The following FTO variants were observed in gnomAD, a reference collection of about 807,000 sequenced individuals.
FTO encodes the protein FTO alpha-ketoglutarate dependent dioxygenase.
FTO carries 47 observed loss-of-function variants against 63.9 expected under a neutral mutation model. The observed-to-expected ratio is 0.74, with a 90% CI of 0.58 to 0.94. The LOEUF is 0.94. Among genes scored for constraint, FTO ranks in the 40% least tolerant of loss-of-function variants. FTO has a pLI of 0.00. For synonymous variants in FTO, 207 were observed against 224.4 expected (o/e 0.92, Z 0.69); for missense variants, 562 against 618.1 (o/e 0.91, Z 0.96).
At chr16:53,915,752 T>C (rs765959278) in intron 7 of FTO, among the ~76,000 whole-genome samples, 34 of 152,202 alleles carry the variant, frequency 2.2e-4, no homozygotes, top group Non-Finnish European at 4.3e-4. Context: ...CTCAGTCTCA[T>C]GGAGACAATT....
At chr16:53,928,739 G>A (rs1473056229) in intron 7 of FTO, among the ~76,000 whole-genome samples, 1 of 152,102 alleles carries the variant, frequency 6.6e-6, no homozygotes, top group Non-Finnish European at 1.5e-5. Context: ...AAAATGTGAT[G>A]CAAATGAAGT....
intron 8 of FTO, among the ~76,000 whole-genome samples, chr16:53,958,755 C>T (rs917069026): frequency 6.6e-6 from 1 of 152,176 alleles, no homozygotes; most frequent in African/African-American, 2.4e-5. Flanking sequence ...GCCTTGCAGC[C>T]AACAGAGCAC....
At chr16:53,907,663 C>G (rs1215603245) in intron 7 of FTO, among the ~76,000 whole-genome samples, 1 of 152,170 alleles carries the variant, frequency 6.6e-6, no homozygotes, top group Non-Finnish European at 1.5e-5. Context: ...TTCCTCCAAC[C>G]CCTTCACTCC....
chr16:53,837,523 C>T (rs945130514), intron 3 of FTO, among the ~76,000 whole-genome samples: 3 of 152,020 alleles, frequency 2.0e-5, no homozygotes, highest in East Asian at 1.9e-4. Context: ...TTTTTTCTCA[C>T]CCCTTCAGAC....
chr16:54,052,703 T>A (rs1336311261), intron 8 of FTO: 4 of 149,700 alleles, frequency 2.7e-5, no homozygotes, highest in Non-Finnish European at 4.4e-5. Flanking sequence ...CAATTATTGG[T>A]GTGGATATGA....
intron 1 of FTO, among the ~76,000 whole-genome samples, chr16:53,765,363 C>A (rs2077174231): frequency 9.9e-6 from 1 of 101,290 alleles, no homozygotes; most frequent in Non-Finnish European, 2.2e-5. Flanking sequence ...TCGAGACCAG[C>A]CTGGGCAATA....
chr16:53,894,632 T>TGTG (rs1555490320), intron 7 of FTO, among the ~76,000 whole-genome samples: 33 of 150,880 alleles, frequency 2.2e-4, no homozygotes, highest in East Asian at 1.8e-3. Context: ...TCACCAATTT[T>TGTG]TGTGTGTGTG....
intron 6 of FTO, among the ~76,000 whole-genome samples, chr16:53,882,654 G>C (rs1307377778): frequency 6.6e-6 from 1 of 152,174 alleles, no homozygotes; most frequent in African/African-American, 2.4e-5. Flanking sequence ...CCATGAGACT[G>C]GGGAGCAGCA....
At chr16:53,769,379 G>A (rs973323432) in intron 1 of FTO, among the ~76,000 whole-genome samples, 7 of 152,028 alleles carry the variant, frequency 4.6e-5, no homozygotes, top group South Asian at 2.1e-4. Flanking sequence ...AACTTTGGGC[G>A]GGGTACTTAA....
intron 4 of FTO, among the ~76,000 whole-genome samples, chr16:53,868,834 T>C (rs918538145): frequency 8.6e-5 from 13 of 151,906 alleles, no homozygotes; most frequent in Admixed American, 3.3e-4. Context: ...CTTTCTTTCT[T>C]TCTTTTTGTT....
chr16:53,931,368 G>A (rs563439692), intron 7 of FTO, among the ~76,000 whole-genome samples: 20 of 146,666 alleles, frequency 1.4e-4, no homozygotes, highest in Admixed American at 2.1e-4. Flanking sequence ...GTGCAATGGC[G>A]CGATCTTGGC....
intron 7 of FTO, among the ~76,000 whole-genome samples, chr16:53,906,075 C>T (rs2081530415): frequency 6.6e-6 from 1 of 152,208 alleles, no homozygotes; most frequent in African/African-American, 2.4e-5. Context: ...ATCAAAGACA[C>T]TTCATGCAAC....
chr16:53,942,218 A>C (rs2082546523), intron 8 of FTO, among the ~76,000 whole-genome samples: 1 of 152,176 alleles, frequency 6.6e-6, no homozygotes, highest in Non-Finnish European at 1.5e-5. Context: ...AAGCCTTGAA[A>C]CTGGAAGTAA....
chr16:54,064,852 T>C (rs1196974487), intron 8 of FTO, among the ~76,000 whole-genome samples: 1 of 152,120 alleles, frequency 6.6e-6, no homozygotes, highest in African/African-American at 2.4e-5. Context: ...CGGAGCTCAG[T>C]TGGCTGAAGG....
intron 1 of FTO, among the ~76,000 whole-genome samples, chr16:53,803,986 A>G (rs909630629): frequency 7.9e-5 from 12 of 152,254 alleles, no homozygotes; most frequent in Admixed American, 7.9e-4. Flanking sequence ...GTAATTTATA[A>G]CTAGGAAATA....
At chr16:53,971,334 T>C (rs1447592028) in intron 8 of FTO, among the ~76,000 whole-genome samples, 1 of 152,220 alleles carries the variant, frequency 6.6e-6, no homozygotes, top group Non-Finnish European at 1.5e-5. Flanking sequence ...TTTATGGCTT[T>C]TGGTACATAT....
intron 4 of FTO, among the ~76,000 whole-genome samples, chr16:53,860,042 T>C (rs1166607584): frequency 6.6e-6 from 1 of 152,222 alleles, no homozygotes; most frequent in Non-Finnish European, 1.5e-5. Flanking sequence ...AACCTAAATA[T>C]CTGTTAACAG....
intron 7 of FTO, among the ~76,000 whole-genome samples, chr16:53,898,779 A>G (rs1035222256): frequency 3.3e-5 from 5 of 152,114 alleles, no homozygotes; most frequent in African/African-American, 9.7e-5. Flanking sequence ...TCCTGGGCTC[A>G]AGTGATTTGC....
chr16:53,937,952 G>A (rs544639670), intron 8 of FTO: 12 of 152,288 alleles, frequency 7.9e-5, no homozygotes, highest in Admixed American at 2.6e-4. Context: ...AATTTTGAGG[G>A]TGTTGTTTAT....
Sources: allele counts gnomAD v4.1 joint callset (sites outside exome capture counted in the v4.1 genomes callset), GRCh38; gene constraint gnomAD v4.1.1; transcripts MANE v1.5; gene names NCBI Gene and HGNC (gene_info 2026-07-23, HGNC 2026-07-21).